MAOB: variants seen among roughly 807,000 people sequenced by gnomAD.
MAOB encodes monoamine oxidase B.
Under a neutral mutation model 41.9 loss-of-function variants are expected in MAOB, and 15 were observed. That is an observed-to-expected ratio of 0.36 (90% CI 0.24 to 0.55). The LOEUF is 0.55. Ranked by LOEUF, MAOB falls within the 20% of genes least tolerant of loss-of-function variation. MAOB has a pLI of 0.86. For synonymous variants in MAOB, 167 were observed against 144.2 expected, an observed-to-expected ratio of 1.16 and a Z score of -1.13; for missense variants, 345 against 398.7, an observed-to-expected ratio of 0.87 and a Z score of 1.15.
intron 3 of MAOB, among the ~76,000 whole-genome samples, chrX:43,820,349 T>TA (rs1397701230): frequency 3.6e-5 from 4 of 112,237 alleles, no homozygotes; most frequent in Non-Finnish European, 7.5e-5. Flanking sequence ...CAAAAATATT[T>TA]AAAAAAGTGC....
intron 3 of MAOB, among the ~76,000 whole-genome samples, chrX:43,813,820 T>C (rs1025200203): frequency 5.4e-5 from 6 of 111,609 alleles, no homozygotes; most frequent in African/African-American, 2.0e-4. Flanking sequence ...GGAGCTTATA[T>C]TCTAGTAGGT....
intron 1 of MAOB, among the ~76,000 whole-genome samples, chrX:43,846,765 A>T (rs1408289281): frequency 8.9e-6 from 1 of 112,060 alleles, no homozygotes; most frequent in Non-Finnish European, 1.9e-5. Context: ...GCAAACAATG[A>T]ACTCTACAGA....
intron 1 of MAOB, among the ~76,000 whole-genome samples, chrX:43,849,229 C>T (rs747562960): frequency 2.7e-5 from 3 of 111,711 alleles, no homozygotes; most frequent in Non-Finnish European, 5.6e-5. Context: ...CTCCCAATAA[C>T]TATGAGGCAG....
At chrX:43,878,920 A>G (rs1215852741) in intron 1 of MAOB, among the ~76,000 whole-genome samples, 2 of 111,892 alleles carry the variant, frequency 1.8e-5, no homozygotes, top group East Asian at 5.6e-4. Context: ...CCCTCAAATG[A>G]CCAAATCTCC....
At chrX:43,845,466 C>T (rs985710335) in intron 1 of MAOB, among the ~76,000 whole-genome samples, 1 of 112,207 alleles carries the variant, frequency 8.9e-6, no homozygotes, top group Admixed American at 9.5e-5. Context: ...TGAACTTCTA[C>T]GACCCCATGA....
chrX:43,826,844 T>G (rs2034952931), intron 3 of MAOB, among the ~76,000 whole-genome samples: 1 of 111,918 alleles, frequency 8.9e-6, no homozygotes, highest in Admixed American at 9.5e-5. Flanking sequence ...AATCACCTCT[T>G]AAAAGTCCCA....
intron 5 of MAOB, among the ~76,000 whole-genome samples, chrX:43,800,594 T>G (rs2034580734): frequency 1.8e-5 from 2 of 111,179 alleles, no homozygotes; most frequent in African/African-American, 3.3e-5. Flanking sequence ...ATAAAGATGT[T>G]TATTATAGAG....
chrX:43,814,597 G>A (rs1265147728), intron 3 of MAOB, among the ~76,000 whole-genome samples: 2 of 111,762 alleles, frequency 1.8e-5, no homozygotes, highest in East Asian at 5.6e-4. Flanking sequence ...ATGTGGGTAT[G>A]TCTTCCCTCT....
At chrX:43,794,804 T>C (rs1441093675) in intron 7 of MAOB, among the ~76,000 whole-genome samples, 1 of 110,158 alleles carries the variant, frequency 9.1e-6, no homozygotes, top group Non-Finnish European at 1.9e-5. Flanking sequence ...TCGGCTTTGA[T>C]TATCTATGAG....
intron 1 of MAOB, among the ~76,000 whole-genome samples, chrX:43,879,865 C>T (rs941328380): frequency 8.9e-6 from 1 of 112,283 alleles, no homozygotes; most frequent in Non-Finnish European, 1.9e-5. Context: ...TACACGTTAG[C>T]ATGTTCTTTC....
At chrX:43,881,494 C>A (rs1351726802) in intron 1 of MAOB, among the ~76,000 whole-genome samples, 3 of 112,311 alleles carry the variant, frequency 2.7e-5, no homozygotes, top group African/African-American at 9.7e-5. Flanking sequence ...AGGGTAAGTT[C>A]CACCACTACC....
intron 13 of MAOB, 122 bp from the exon 14 acceptor site, chrX:43,768,838 A>G (rs1484095759): frequency 5.2e-6 from 3 of 576,033 alleles, no homozygotes; most frequent in South Asian, 2.8e-5. Flanking sequence ...GGTAAAGGCC[A>G]GAACACTCCA....
chrX:43,808,751 C>T (rs1356389890), intron 3 of MAOB, among the ~76,000 whole-genome samples: 1 of 109,950 alleles, frequency 9.1e-6, no homozygotes, highest in East Asian at 2.8e-4. Context: ...GCTGCCCAGG[C>T]TGGAGTGCAG....
At chrX:43,875,858 C>G (rs2035436102) in intron 1 of MAOB, among the ~76,000 whole-genome samples, 1 of 111,934 alleles carries the variant, frequency 8.9e-6, no homozygotes, top group African/African-American at 3.2e-5. Flanking sequence ...AGTACCAAGA[C>G]AAATTGAAGA....
At chrX:43,772,027 A>G (rs1186722203) in intron 12 of MAOB, among the ~76,000 whole-genome samples, 4 of 111,865 alleles carry the variant, frequency 3.6e-5, no homozygotes, top group African/African-American at 9.8e-5. Flanking sequence ...CAGAAGAAAC[A>G]TTTCTTAAGA....
Position 43,803,404 on chromosome X carries a change from C to A in MAOB, c.280G>T (p.Gly94Cys). Residue 94 changes from glycine to cysteine, a missense_variant and splice_region_variant, in exon 4 of 15, where the codon GGC (glycine) becomes TGC (cysteine). Coordinates refer to ENST00000378069, the MANE Select transcript of MAOB (RefSeq NM_000898.5). ...GGCCCCCTGAAGGGGTATGATTTGC[C>A]CTGTGAGATACAAGATATTTTTAAA... ...EVERLIHHVK[G>C]KSYPFRGPFP... 4 of 1,167,948 alleles carry A rather than the reference C, an allele frequency of 3.4e-6. No homozygotes were observed. Among genetic ancestry groups the A allele is most frequent in the Non-Finnish European group, 4.5e-6 (4 of 880,999 alleles).
chrX:43,809,715 T>C (rs558371506), intron 3 of MAOB, among the ~76,000 whole-genome samples: 1 of 112,084 alleles, frequency 8.9e-6, no homozygotes, highest in Middle Eastern at 4.6e-3. Context: ...GTTTTGAACA[T>C]TGTCCAGGGA....
intron 1 of MAOB, among the ~76,000 whole-genome samples, chrX:43,864,005 C>G (rs1466663899): frequency 9.0e-6 from 1 of 111,242 alleles, no homozygotes; most frequent in Non-Finnish European, 1.9e-5. Context: ...CAGTGTAAAT[C>G]TTGGAATTTA....
At position 43,780,424 on chromosome X, in the gene MAOB, G is replaced by A. The variant is rs748823300; in HGVS notation, c.1026-29C>T. 5 of 1,097,961 alleles carry A rather than the reference G, an allele frequency of 4.6e-6. No individual in the cohort carries two copies. The South Asian group carries it at 9.5e-5, about 21-fold the overall frequency. 90.5% of individuals were successfully genotyped at this position (1,097,961 alleles called of 1,213,427 possible). On this transcript the variant is annotated intron_variant, in intron 9 of 14. Coordinates refer to ENST00000378069, the MANE Select transcript of MAOB (RefSeq NM_000898.5). ...AAGAATATAAACAAGAAAAAGGGGA[G>A]AAATTAATGGTTGGTTTCATCCTAG... is the stretch of plus-strand genomic sequence containing the variant.
Sources: allele counts gnomAD v4.1 joint callset (sites outside exome capture counted in the v4.1 genomes callset), GRCh38; gene constraint gnomAD v4.1.1; transcripts MANE v1.5; gene names NCBI Gene and HGNC (gene_info 2026-07-23, HGNC 2026-07-21).